Variants in SORCS3 observed in about 807,000 individuals in gnomAD.
The protein encoded by SORCS3 is sortilin related VPS10 domain containing receptor 3, also known as VPS10 domain-containing receptor SorCS3.
In SORCS3, 57 loss-of-function variants were observed where a neutral mutation model predicts 146.3. The ratio of observed to expected loss-of-function variants is 0.39; its 90% CI spans 0.31 to 0.49. The LOEUF (loss-of-function observed/expected upper bound fraction) is 0.49. SORCS3 is among the 20% of genes least tolerant of loss of function. The probability of loss-of-function intolerance (pLI) is 0.92; values close to 1 mark genes in which losing one functional copy is unlikely to be tolerated. For missense variants in SORCS3, 1,341 were observed against 1,575.5 expected, an observed-to-expected ratio of 0.85 and a Z score of 2.52; for synonymous variants, 653 against 618.5, an observed-to-expected ratio of 1.06 and a Z score of -0.83.
chr10:104,719,672 G>A (rs1195158521), intron 1 of SORCS3, among the ~76,000 whole-genome samples: 1 of 152,122 alleles, frequency 6.6e-6, no homozygotes, highest in Non-Finnish European at 1.5e-5. Flanking sequence ...GAATATAAAA[G>A]ACACTTGGAA....
intron 1 of SORCS3, among the ~76,000 whole-genome samples, chr10:104,749,479 G>A (rs1295073332): frequency 6.6e-6 from 1 of 152,026 alleles, no homozygotes; most frequent in Admixed American, 6.6e-5. Context: ...CAATATAAAG[G>A]GTGGATTTTA....
chr10:105,011,578 T>C (rs998448662), intron 4 of SORCS3, among the ~76,000 whole-genome samples: 1 of 152,220 alleles, frequency 6.6e-6, no homozygotes, highest in South Asian at 2.1e-4. Context: ...GTGGCTCCTA[T>C]TGCTGATTCC....
chr10:104,887,971 G>GGGGC lies in SORCS3; in HGVS notation c.696-27861_696-27860insGGCG, dbSNP rs145157471. 4.0e-3 allele frequency among the ~76,000 whole-genome samples: 332 copies of GGGGC among 83,034 alleles called. 8 individuals carry two copies. The highest frequency in any genetic ancestry group is 0.012 in the African/African-American group (222 of 18,128). The allele number at this position is 83,034 out of a possible 152,430, so 54.5% of individuals were successfully genotyped here. On this transcript the variant is annotated intron_variant, in intron 2 of 26. Transcript: ENST00000369701. ...AACATGGTGGGGGCGGGGGGGCGGG[G>GGGGC]GCGGAGCAAGCCCATGAAGACAGCA...
At chr10:104,650,074 G>A (rs2015540058) in intron 1 of SORCS3, among the ~76,000 whole-genome samples, 1 of 152,178 alleles carries the variant, frequency 6.6e-6, no homozygotes, top group South Asian at 2.1e-4. Context: ...TTCTGTATTT[G>A]TGCCTGTTGT....
At chr10:105,127,625 G>T (rs944314305) in intron 7 of SORCS3, among the ~76,000 whole-genome samples, 1 of 152,094 alleles carries the variant, frequency 6.6e-6, no homozygotes, top group Non-Finnish European at 1.5e-5. Flanking sequence ...CTGAGTACTA[G>T]GTACTAAGAG....
At chr10:104,902,318 T>C (rs1489622807) in intron 2 of SORCS3, among the ~76,000 whole-genome samples, 4 of 152,188 alleles carry the variant, frequency 2.6e-5, no homozygotes, top group African/African-American at 9.6e-5. Context: ...AGTTGAGCAC[T>C]CCCTTTACCC....
intron 19 of SORCS3, among the ~76,000 whole-genome samples, chr10:105,220,287 G>A (rs1006192701): frequency 9.2e-5 from 14 of 152,166 alleles, no homozygotes; most frequent in Non-Finnish European, 1.6e-4. Context: ...AAACATGCTT[G>A]TCCTGAAGCT....
intron 4 of SORCS3, among the ~76,000 whole-genome samples, chr10:105,013,456 A>G (rs1392851284): frequency 6.6e-6 from 1 of 152,094 alleles, no homozygotes; most frequent in African/African-American, 2.4e-5. Flanking sequence ...TACATTTAAG[A>G]CTCAAAAGAA....
intron 5 of SORCS3, among the ~76,000 whole-genome samples, chr10:105,058,225 C>G (rs2055459168): frequency 6.6e-6 from 1 of 152,170 alleles, no homozygotes; most frequent in Admixed American, 6.5e-5. Context: ...TGGAACCAGT[C>G]TGATCTATAA....
chr10:104,801,543 C>T (rs2017624499), intron 1 of SORCS3, among the ~76,000 whole-genome samples: 1 of 152,186 alleles, frequency 6.6e-6, no homozygotes, highest in Non-Finnish European at 1.5e-5. Context: ...CCCTTTTGAG[C>T]CTGTCACTCA....
chr10:104,979,981 G>A (rs1275455015), intron 4 of SORCS3, among the ~76,000 whole-genome samples: 2 of 152,152 alleles, frequency 1.3e-5, no homozygotes, highest in Non-Finnish European at 2.9e-5. Flanking sequence ...CATACCAAGA[G>A]GTTGATAAAC....
At chr10:104,642,142 CTG>C (rs1032661280) in intron 1 of SORCS3, among the ~76,000 whole-genome samples, 188 bp downstream of exon 1, 3 of 152,084 alleles carry the variant, frequency 2.0e-5, no homozygotes, top group Non-Finnish European at 2.9e-5. Context: ...TTGTTAGACG[CTG>C]TGTGTGTTTG....
Position 105,263,973 on chromosome 10 carries a change from A to T in SORCS3, c.*599A>T, listed in dbSNP as rs1368230946. On this transcript the variant is annotated 3_prime_UTR_variant, in exon 27 of 27. Coordinates refer to ENST00000369701, the MANE Select transcript of SORCS3 (RefSeq NM_014978.3). ...AATTTAATGTTTAGTAAAAAAGAAA[A>T]CAGAAAAAAGAAAGATGCGTGTGTT... 1.3e-5 allele frequency: 2 copies of T among 152,716 alleles called. No individual in the cohort carries two copies. Among genetic ancestry groups the T allele is most frequent in the African/African-American group, 2.4e-5 (1 of 41,448 alleles). The allele number at this position is 152,716 out of a possible 1,614,324, so 9.5% of individuals were successfully genotyped here.
intron 2 of SORCS3, among the ~76,000 whole-genome samples, chr10:104,869,047 G>GAA (rs2018489428): frequency 6.6e-6 from 1 of 152,044 alleles, no homozygotes; most frequent in Admixed American, 6.6e-5. Flanking sequence ...AACCAATTCA[G>GAA]AAAACTCATT....
chr10:105,003,598 A>T (rs1223229016), intron 4 of SORCS3, among the ~76,000 whole-genome samples: 1 of 152,224 alleles, frequency 6.6e-6, no homozygotes. Flanking sequence ...TCAGATAAAT[A>T]TGCAGAGCAA....
chr10:104,829,464 T>C (rs1166845476), intron 1 of SORCS3, among the ~76,000 whole-genome samples: 2 of 152,036 alleles, frequency 1.3e-5, no homozygotes, highest in African/African-American at 4.8e-5. Flanking sequence ...AATGGAAAGG[T>C]ACGGGAAAGT....
rs1233162376 is a variant in SORCS3 at position 104,696,642 on chromosome 10, AAT to A, written c.627+54695_627+54696del. ...TATTATATACGTATATATTATATATAATATATATTATATACGTATATATAATA... is the reference window on the plus strand; with the variant it reads ...TATTATATACGTATATATTATATATAATATATTATATACGTATATATAATA... On this transcript the variant is annotated intron_variant, in intron 1 of 26. Coordinates refer to ENST00000369701, the MANE Select transcript of SORCS3 (RefSeq NM_014978.3). 1.0e-3 allele frequency among the ~76,000 whole-genome samples: 57 copies of A among 55,142 alleles called. 1 individual carries two copies. The highest frequency in any genetic ancestry group is 7.2e-3 in the Middle Eastern group (1 of 138). 36.2% of individuals were successfully genotyped at this position (55,142 alleles called of 152,430 possible).
chr10:105,043,032 A>G (rs752962116), intron 4 of SORCS3, 23 bp from the exon 5 acceptor site: 5 of 1,605,596 alleles, frequency 3.1e-6, no homozygotes, highest in Non-Finnish European at 4.3e-6. Flanking sequence ...TGAGACTTAC[A>G]TTCTCACTTC....
intron 4 of SORCS3, among the ~76,000 whole-genome samples, chr10:105,030,943 A>G (rs1183371350): frequency 6.6e-6 from 1 of 151,942 alleles, no homozygotes; most frequent in African/African-American, 2.4e-5. Context: ...GAATGAATCT[A>G]CCAGAGACTG....
Sources: gnomAD v4.1 joint callset for allele counts (sites outside exome capture counted in the v4.1 genomes callset) on GRCh38, gnomAD v4.1.1 for gene constraint, MANE v1.5 for transcripts, NCBI Gene and HGNC (gene_info 2026-07-23, HGNC 2026-07-21) for gene names.